Variants in SPTLC3 observed in about 807,000 individuals in gnomAD.
SPTLC3 encodes serine palmitoyltransferase long chain base subunit 3.
Under a neutral mutation model 59.3 loss-of-function variants are expected in SPTLC3, and 36 were observed. The observed-to-expected ratio is 0.61, with a 90% CI of 0.47 to 0.80. The LOEUF is 0.80. Among genes scored for constraint, SPTLC3 ranks in the 30% least tolerant of loss-of-function variants. The pLI is 0.00. For missense variants in SPTLC3, 625 were observed against 685.1 expected (o/e 0.91, Z 0.98); for synonymous variants, 257 against 240.8 (o/e 1.07, Z -0.62).
At chr20:13,089,456 A>G (rs1322101774) in intron 4 of SPTLC3, among the ~76,000 whole-genome samples, 1 of 152,116 alleles carries the variant, frequency 6.6e-6, no homozygotes, top group East Asian at 1.9e-4. Flanking sequence ...AACACAGTAT[A>G]TGCAGACTAT....
chr20:13,075,117 G>C (rs1386010077), intron 4 of SPTLC3, among the ~76,000 whole-genome samples: 1 of 146,924 alleles, frequency 6.8e-6, no homozygotes, highest in Non-Finnish European at 1.5e-5. Context: ...TAGAGAGAGG[G>C]AGAGCGTTCA....
chr20:13,133,082 T>C (rs910081535), intron 9 of SPTLC3: 3 of 152,356 alleles, frequency 2.0e-5, no homozygotes, highest in African/African-American at 7.2e-5. Flanking sequence ...AAGACTGTCT[T>C]CGTTGTAGAG....
intron 8 of SPTLC3, among the ~76,000 whole-genome samples, chr20:13,123,492 G>A (rs2037915457): frequency 6.6e-6 from 1 of 152,168 alleles, no homozygotes; most frequent in Non-Finnish European, 1.5e-5. Flanking sequence ...CTAAGGCACA[G>A]AGAGATTTAG....
At chr20:13,150,242 CT>C (rs2038612155) in intron 9 of SPTLC3, among the ~76,000 whole-genome samples, 1 of 152,246 alleles carries the variant, frequency 6.6e-6, no homozygotes, top group African/African-American at 2.4e-5. Context: ...AAATATTCTC[CT>C]TCTTAATTTC....
chr20:13,112,954 A>C (rs888350499), intron 7 of SPTLC3, among the ~76,000 whole-genome samples: 4 of 152,176 alleles, frequency 2.6e-5, no homozygotes, highest in African/African-American at 9.7e-5. Context: ...AGACCAAGGC[A>C]GGTGGATTAC....
intron 4 of SPTLC3, among the ~76,000 whole-genome samples, chr20:13,088,242 T>C (rs961106229): frequency 6.6e-6 from 1 of 152,244 alleles, no homozygotes; most frequent in African/African-American, 2.4e-5. Context: ...AGTTTGAAAT[T>C]ACAATGTAAA....
intron 1 of SPTLC3, among the ~76,000 whole-genome samples, chr20:13,045,790 C>G (rs1451619254): frequency 6.6e-6 from 1 of 151,986 alleles, no homozygotes; most frequent in African/African-American, 2.4e-5. Flanking sequence ...TCTGTGCAAC[C>G]AACTGAGGGT....
intron 2 of SPTLC3, among the ~76,000 whole-genome samples, chr20:13,065,752 AT>A (rs986939501): frequency 6.6e-6 from 1 of 151,766 alleles, no homozygotes; most frequent in Admixed American, 6.6e-5. Context: ...ACATATATGC[AT>A]TTTTTTACTT....
intron 1 of SPTLC3, among the ~76,000 whole-genome samples, chr20:13,020,642 C>G (rs1318904007): frequency 6.6e-6 from 1 of 152,168 alleles, no homozygotes; most frequent in African/African-American, 2.4e-5. Context: ...AAACTGAACT[C>G]CGCAGAAAGA....
intron 1 of SPTLC3, among the ~76,000 whole-genome samples, chr20:13,022,265 C>A (rs1470045326): frequency 1.3e-5 from 2 of 152,148 alleles, no homozygotes; most frequent in Admixed American, 1.3e-4. Flanking sequence ...AATCTGACCA[C>A]TTCTCACCTT....
At chr20:13,032,678 C>A (rs1301165442) in intron 1 of SPTLC3, among the ~76,000 whole-genome samples, 3 of 152,128 alleles carry the variant, frequency 2.0e-5, no homozygotes, top group Non-Finnish European at 4.4e-5. Context: ...CAGATATTCA[C>A]TAAACACTCT....
At chr20:13,151,741 T>G (rs1283366169) in intron 9 of SPTLC3, among the ~76,000 whole-genome samples, 1 of 152,220 alleles carries the variant, frequency 6.6e-6, no homozygotes, top group East Asian at 1.9e-4. Flanking sequence ...TGAAGTATTT[T>G]GGGAGTGATA....
intron 1 of SPTLC3, among the ~76,000 whole-genome samples, chr20:13,021,328 T>C (rs994709688): frequency 2.0e-5 from 3 of 152,212 alleles, no homozygotes; most frequent in Non-Finnish European, 2.9e-5. Flanking sequence ...GAAGATCTGA[T>C]CTTGTTTCAT....
intron 2 of SPTLC3, among the ~76,000 whole-genome samples, chr20:13,059,933 T>C (rs555473714): frequency 6.6e-6 from 1 of 152,192 alleles, no homozygotes; most frequent in African/African-American, 2.4e-5. Flanking sequence ...AGCCTCAAGA[T>C]AGCCCTTGGT....
intron 9 of SPTLC3, among the ~76,000 whole-genome samples, chr20:13,153,536 C>A (rs1040271276): frequency 6.6e-6 from 1 of 151,800 alleles, no homozygotes; most frequent in African/African-American, 2.4e-5. Context: ...ATGAAGGATC[C>A]TTTGATTAGA....
intron 6 of SPTLC3, among the ~76,000 whole-genome samples, chr20:13,094,715 G>C (rs1260525047): frequency 6.6e-6 from 1 of 152,166 alleles, no homozygotes. Context: ...CTAACTCGTA[G>C]AGTTGTTCAA....
intron 8 of SPTLC3, among the ~76,000 whole-genome samples, chr20:13,120,615 C>G (rs758666563): frequency 1.1e-4 from 16 of 152,114 alleles, no homozygotes; most frequent in Admixed American, 2.0e-4. Context: ...TGGAATGGGT[C>G]AAGGTCAGAG....
In SPTLC3 at chr20:13,164,806, G is replaced by T; in HGVS notation, c.1598G>T (p.Arg533Leu). The T allele has an allele frequency of 1.9e-6, 3 of 1,613,754 alleles. No homozygotes were observed. The South Asian group carries it at 3.3e-5, about 18-fold the overall frequency. ...MGDLLQLKYS[R>L]HKKSARPELY... ...GATCTCTTGCAACTGAAATATTCCC[G>T]GCACAAGAAGTCAGCACGTCCTGAG... The change falls in exon 12 of 12, where the codon CGG becomes CTG. Residue 533 changes from arginine (R) to leucine (L), a missense_variant. Transcript: ENST00000399002.
At chr20:13,145,749 G>T (rs1278569572) in intron 9 of SPTLC3, among the ~76,000 whole-genome samples, 1 of 152,120 alleles carries the variant, frequency 6.6e-6, no homozygotes, top group Admixed American at 6.5e-5. Flanking sequence ...ATACTACAAG[G>T]CTACAGCAAC....
Sources: allele counts gnomAD v4.1 joint callset (sites outside exome capture counted in the v4.1 genomes callset), GRCh38; gene constraint gnomAD v4.1.1; transcripts MANE v1.5; gene names NCBI Gene and HGNC (gene_info 2026-07-23, HGNC 2026-07-21).